Variants in SORT1 observed in about 807,000 individuals in gnomAD.
The protein encoded by SORT1 is sortilin.
A neutral mutation model predicts 101.7 loss-of-function variants in SORT1; 39 were observed. The observed-to-expected ratio is 0.38, with a 90% CI of 0.30 to 0.50. SORT1 has a LOEUF of 0.50. Ranked by LOEUF, SORT1 falls within the 20% of genes least tolerant of loss-of-function variation. The probability of loss-of-function intolerance (pLI) is 0.90; values close to 1 mark genes in which losing one functional copy is unlikely to be tolerated. For missense variants in SORT1, 878 were observed against 1,040.4 expected, an observed-to-expected ratio of 0.84 and a Z score of 2.15; for synonymous variants, 396 against 393.7, an observed-to-expected ratio of 1.01 and a Z score of -0.07.
At chr1:109,314,173 A>G in intron 19 of SORT1, 88 bp downstream of exon 19, 11 of 1,562,666 alleles carry the variant, frequency 7.0e-6, no homozygotes, top group South Asian at 4.4e-5. Context: ...TGGCCCTGGC[A>G]TATCTTGATC....
intron 2 of SORT1, among the ~76,000 whole-genome samples, chr1:109,367,847 G>A (rs964416895): frequency 1.3e-5 from 2 of 152,166 alleles, no homozygotes; most frequent in African/African-American, 4.8e-5. Context: ...AGAGATCACT[G>A]TGTCATGTAT....
chr1:109,397,539 G>C, intron 1 of SORT1, 48 bp downstream of exon 1: 1 of 1,099,258 alleles, frequency 9.1e-7, no homozygotes, highest in Non-Finnish European at 1.1e-6. Flanking sequence ...AGGGGCACGC[G>C]GGCGGCACCT....
At chr1:109,363,694 TGAACCTTTAACCATATAA>T (rs1445515237) in intron 3 of SORT1, among the ~76,000 whole-genome samples, 1 of 152,230 alleles carries the variant, frequency 6.6e-6, no homozygotes, top group Non-Finnish European at 1.5e-5. Context: ...CAAATCCAAA[TGAACCTTTAACCATATAA>T]GATTTAGTAT....
At chr1:109,343,378 C>A (rs1188417757) in intron 8 of SORT1, among the ~76,000 whole-genome samples, 6 of 152,182 alleles carry the variant, frequency 3.9e-5, no homozygotes, top group Admixed American at 3.3e-4. Flanking sequence ...CAGAATGCAC[C>A]TAACTCAATG....
Position 109,312,138 on chromosome 1 carries a change from G to GT in SORT1, c.*1904dup, listed in dbSNP as rs1658765440. 6.6e-6 allele frequency: 1 copy of GT among 152,210 alleles called. No individual in the cohort carries two copies. The highest frequency in any genetic ancestry group is 1.5e-5 in the Non-Finnish European group (1 of 68,046). 9.4% of individuals were successfully genotyped at this position (152,210 alleles called of 1,614,324 possible). On this transcript the variant is annotated 3_prime_UTR_variant, in exon 20 of 20. Transcript: ENST00000256637. ...ACAGTGAGTACATGCTGGGAGAAAG[G>GT]TGAGTGGTATAAACAGTTCTTTTCT... is the stretch of plus-strand genomic sequence containing the variant.
intron 14 of SORT1, 41 bp from the exon 15 acceptor site, chr1:109,323,162 G>A: frequency 6.7e-7 from 1 of 1,486,956 alleles, no homozygotes; most frequent in South Asian, 1.2e-5. Flanking sequence ...ACACAGCACA[G>A]AACCCACCCA....
rs1256131215 is a variant in SORT1, at chr1:109,309,594, CTGTTT to C, written c.*4444_*4448del. ...AGTAGGTCAGGTAACAAAGTCCAGT[CTGTTT>C]TATTTTTAACCCAAATATTCCAAAT... is the stretch of plus-strand genomic sequence containing the variant. On this transcript the variant is annotated 3_prime_UTR_variant, in exon 20 of 20. Coordinates refer to ENST00000256637, the MANE Select transcript of SORT1 (RefSeq NM_002959.7). The C allele has an allele frequency of 2.0e-5, 3 of 152,176 alleles. No individual in the cohort carries two copies. Among genetic ancestry groups the C allele is most frequent in the African/African-American group, 7.2e-5 (3 of 41,434 alleles). 9.4% of individuals were successfully genotyped at this position (152,176 alleles called of 1,614,324 possible). A position where few individuals can be genotyped will look rare whatever the true frequency, so the allele number is the denominator to read the frequency against.
At chr1:109,326,054 C>CTTT (rs541173445) in intron 13 of SORT1, among the ~76,000 whole-genome samples, 2 of 134,658 alleles carry the variant, frequency 1.5e-5, no homozygotes, top group African/African-American at 2.7e-5. Flanking sequence ...ACTTATACTT[C>CTTT]TTTTTTTTTT....
At chr1:109,317,528 G>A (rs566689216) in intron 16 of SORT1, among the ~76,000 whole-genome samples, 94 of 152,314 alleles carry the variant, frequency 6.2e-4, no homozygotes, top group African/African-American at 2.1e-3. Context: ...CGGATGGGAC[G>A]CTTCTGTCAT....
chr1:109,336,699 C>G (rs986174069), intron 10 of SORT1, among the ~76,000 whole-genome samples: 4 of 151,684 alleles, frequency 2.6e-5, no homozygotes, highest in African/African-American at 9.7e-5. Context: ...ATCCCAGCTA[C>G]TCGGGAGGCC....
At chr1:109,357,386 T>C (rs1246125831) in intron 3 of SORT1, among the ~76,000 whole-genome samples, 4 of 152,206 alleles carry the variant, frequency 2.6e-5, no homozygotes, top group East Asian at 1.9e-4. Context: ...AAATAAAGAA[T>C]TGCAGAACCA....
At chr1:109,391,981 T>C (rs1652941585) in intron 1 of SORT1, among the ~76,000 whole-genome samples, 1 of 152,240 alleles carries the variant, frequency 6.6e-6, no homozygotes, top group Admixed American at 6.5e-5. Context: ...GTTCATAATA[T>C]TGTCAGAGCC....
chr1:109,367,231 A>C (rs755135832), intron 3 of SORT1, 177 bp downstream of exon 3: 188 of 510,958 alleles, frequency 3.7e-4, no homozygotes, highest in Middle Eastern at 5.9e-4. Flanking sequence ...CTGTCTCAAA[A>C]AACAACAACA....
At chr1:109,323,198 A>G (rs1647757187) in intron 14 of SORT1, 77 bp from the exon 15 acceptor site, 2 of 999,876 alleles carry the variant, frequency 2.0e-6, no homozygotes, top group South Asian at 3.1e-5. Context: ...AGGCTATAGG[A>G]AGAACAAGGA....
At chr1:109,362,825 T>C (rs2101617596) in intron 3 of SORT1, among the ~76,000 whole-genome samples, 1 of 151,996 alleles carries the variant, frequency 6.6e-6, no homozygotes, top group South Asian at 2.1e-4. Flanking sequence ...CAAGAAAATA[T>C]ATGTTGTAAA....
At chr1:109,314,581 T>C (rs1658924548) in intron 18 of SORT1, 91 bp downstream of exon 18, 1 of 1,102,464 alleles carries the variant, frequency 9.1e-7, no homozygotes, top group South Asian at 1.4e-5. Flanking sequence ...TGCAAGTACC[T>C]AGTTTTTGCC....
chr1:109,353,345 A>C (rs1419106403), intron 5 of SORT1, among the ~76,000 whole-genome samples: 4 of 150,494 alleles, frequency 2.7e-5, no homozygotes, highest in South Asian at 2.1e-4. Flanking sequence ...AAAAAAAAAA[A>C]AAAAAACAAA....
intron 9 of SORT1, among the ~76,000 whole-genome samples, chr1:109,341,174 C>T (rs1649194286): frequency 1.3e-5 from 2 of 152,052 alleles, no homozygotes; most frequent in Admixed American, 1.3e-4. Context: ...TGGGAGAGGC[C>T]CTATGTTTAG....
chr1:109,395,571 A>G (rs1214040521), intron 1 of SORT1, among the ~76,000 whole-genome samples: 1 of 152,098 alleles, frequency 6.6e-6, no homozygotes, highest in African/African-American at 2.4e-5. Flanking sequence ...GGAGAGAAAA[A>G]CTAAAAAAAA....
Sources: allele counts gnomAD v4.1 joint callset (sites outside exome capture counted in the v4.1 genomes callset), GRCh38; gene constraint gnomAD v4.1.1; transcripts MANE v1.5; gene names NCBI Gene and HGNC (gene_info 2026-07-23, HGNC 2026-07-21).